Variants in RGS17 observed in about 807,000 individuals in gnomAD.
RGS17 encodes regulator of G-protein signaling 17.
In RGS17, 12 loss-of-function variants were observed where a neutral mutation model predicts 25.5. The observed-to-expected ratio is 0.47, with a 90% CI of 0.30 to 0.76. The LOEUF is 0.76. Ranked by LOEUF, RGS17 falls within the 30% of genes least tolerant of loss-of-function variation. RGS17 has a pLI of 0.07. For missense variants in RGS17, 196 were observed against 242.2 expected, an observed-to-expected ratio of 0.81 and a Z score of 1.27; for synonymous variants, 71 against 76.9, an observed-to-expected ratio of 0.92 and a Z score of 0.40.
At chr6:153,066,267 G>A (rs1240807107) in intron 1 of RGS17, among the ~76,000 whole-genome samples, 1 of 151,984 alleles carries the variant, frequency 6.6e-6, no homozygotes, top group African/African-American at 2.4e-5. Context: ...GAGAAAAGGG[G>A]GAACCATTGT....
At chr6:153,078,989 C>A (rs1776928672) in intron 1 of RGS17, among the ~76,000 whole-genome samples, 1 of 151,998 alleles carries the variant, frequency 6.6e-6, no homozygotes, top group South Asian at 2.1e-4. Context: ...TAAATAAAGG[C>A]AGCTTTTCTT....
chr6:153,086,650 C>T (rs1777057974), intron 1 of RGS17, among the ~76,000 whole-genome samples: 1 of 152,114 alleles, frequency 6.6e-6, no homozygotes, highest in Non-Finnish European at 1.5e-5. Context: ...CTGTCACAAA[C>T]ACATCAAGAG....
chr6:153,095,479 G>T (rs975881499), intron 1 of RGS17, among the ~76,000 whole-genome samples: 2 of 152,016 alleles, frequency 1.3e-5, no homozygotes, highest in Non-Finnish European at 2.9e-5. Flanking sequence ...TTAAATACCA[G>T]GTGTATTTAC....
At chr6:153,112,302 A>T (rs1777482520) in intron 1 of RGS17, among the ~76,000 whole-genome samples, 1 of 152,202 alleles carries the variant, frequency 6.6e-6, no homozygotes, top group Non-Finnish European at 1.5e-5. Flanking sequence ...AGCCATATTG[A>T]TCAAGCGAAG....
chr6:153,044,065 AT>A (rs1399566631), intron 1 of RGS17, 22 bp from the exon 2 acceptor site: 2 of 1,203,494 alleles, frequency 1.7e-6, no homozygotes, highest in African/African-American at 3.1e-5. Flanking sequence ...AAAACAAAAA[AT>A]TGGGTATGAA....
chr6:153,059,810 T>C (rs1776611305), intron 1 of RGS17, among the ~76,000 whole-genome samples: 1 of 152,202 alleles, frequency 6.6e-6, no homozygotes. Flanking sequence ...TAAATATCAA[T>C]GCAAGGGTGA....
intron 4 of RGS17, among the ~76,000 whole-genome samples, chr6:153,021,488 G>C (rs1437844197): frequency 6.6e-6 from 1 of 152,154 alleles, no homozygotes; most frequent in African/African-American, 2.4e-5. Flanking sequence ...TCAATGAACA[G>C]GATACCTTGG....
At chr6:153,021,458 G>C (rs974895086) in intron 4 of RGS17, among the ~76,000 whole-genome samples, 5 of 152,200 alleles carry the variant, frequency 3.3e-5, no homozygotes, top group Admixed American at 6.5e-5. Context: ...GCCATGCGCT[G>C]AGTATATCAA....
At chr6:153,112,629 A>G (rs6557270) in intron 1 of RGS17, among the ~76,000 whole-genome samples, 70,567 of 151,582 alleles carry the variant, frequency 0.47, 17,009 homozygotes, top group East Asian at 0.85. Flanking sequence ...CGTCAGATTC[A>G]CCAAGGTTGA....
chr6:153,101,855 A>G (rs1026959362), intron 1 of RGS17, among the ~76,000 whole-genome samples: 2 of 152,080 alleles, frequency 1.3e-5, no homozygotes, highest in Non-Finnish European at 2.9e-5. Flanking sequence ...ACCTTCTGCC[A>G]TGATTATAAG....
At chr6:153,118,840 G>A (rs968981068) in intron 1 of RGS17, among the ~76,000 whole-genome samples, 1 of 152,008 alleles carries the variant, frequency 6.6e-6, no homozygotes, top group Non-Finnish European at 1.5e-5. Flanking sequence ...ATAACTCACT[G>A]ATCTTCTTTC....
At chr6:153,018,979 T>C (rs1359910996) in intron 4 of RGS17, among the ~76,000 whole-genome samples, 1 of 152,252 alleles carries the variant, frequency 6.6e-6, no homozygotes, top group African/African-American at 2.4e-5. Context: ...TAAGCATTAT[T>C]TTGTAGATAA....
At chr6:153,019,759 G>A (rs184064550) in intron 4 of RGS17, among the ~76,000 whole-genome samples, 173 of 152,222 alleles carry the variant, frequency 1.1e-3, no homozygotes, top group African/African-American at 3.6e-3. Flanking sequence ...CTTGCTTCCT[G>A]TGAAGCCTGC....
At chr6:153,046,252 T>C (rs1776382852) in intron 1 of RGS17, among the ~76,000 whole-genome samples, 1 of 151,962 alleles carries the variant, frequency 6.6e-6, no homozygotes, top group African/African-American at 2.4e-5. Context: ...GGCAGCTAGA[T>C]AGGAGGAATA....
chr6:153,020,106 AAAAAAATATATAT>A (rs1186038220), intron 4 of RGS17, among the ~76,000 whole-genome samples: 4 of 32,766 alleles, frequency 1.2e-4, no homozygotes, highest in African/African-American at 4.7e-4. Flanking sequence ...ATCTTAAAAA[AAAAAAATATATAT>A]ATATATATAT....
intron 1 of RGS17, among the ~76,000 whole-genome samples, chr6:153,053,108 G>C (rs1776485308): frequency 6.6e-6 from 1 of 152,144 alleles, no homozygotes; most frequent in Admixed American, 6.5e-5. Context: ...TGTTATAGCA[G>C]CCTGAGCTAA....
intron 1 of RGS17, among the ~76,000 whole-genome samples, chr6:153,061,917 A>G (rs1776644224): frequency 6.6e-6 from 1 of 152,182 alleles, no homozygotes; most frequent in South Asian, 2.1e-4. Context: ...TATGCTTTCC[A>G]AAGCTACATT....
At chr6:153,092,787 G>A (rs1016112735) in intron 1 of RGS17, among the ~76,000 whole-genome samples, 4 of 152,154 alleles carry the variant, frequency 2.6e-5, no homozygotes, top group African/African-American at 4.8e-5. Flanking sequence ...ACTTAAGTGC[G>A]TTTTGCTGTT....
At chr6:153,084,925 T>G (rs1777032519) in intron 1 of RGS17, among the ~76,000 whole-genome samples, 1 of 152,208 alleles carries the variant, frequency 6.6e-6, no homozygotes, top group South Asian at 2.1e-4. Flanking sequence ...GATATTATTT[T>G]TGAGTACGTT....
Sources: gnomAD v4.1 joint callset for allele counts (sites outside exome capture counted in the v4.1 genomes callset) on GRCh38, gnomAD v4.1.1 for gene constraint, MANE v1.5 for transcripts, NCBI Gene and HGNC (gene_info 2026-07-23, HGNC 2026-07-21) for gene names.